INTS9: variants seen among roughly 807,000 people sequenced by gnomAD.
INTS9 encodes the protein protein related to CPSF subunits of 74 kDa.
In INTS9, 55 loss-of-function variants were observed where a neutral mutation model predicts 79.7. The ratio of observed to expected loss-of-function variants is 0.69; its 90% CI spans 0.56 to 0.86. The LOEUF (loss-of-function observed/expected upper bound fraction) is 0.86, where lower values mean the gene tolerates loss of function less well. Among genes scored for constraint, INTS9 ranks in the 40% least tolerant of loss-of-function variants. The probability of loss-of-function intolerance (pLI) is 0.00; values close to 1 mark genes in which losing one functional copy is unlikely to be tolerated. For synonymous variants in INTS9, 319 were observed against 325.2 expected (o/e 0.98, Z 0.20); for missense variants, 721 against 831.5 (o/e 0.87, Z 1.64).
intron 4 of INTS9, among the ~76,000 whole-genome samples, chr8:28,843,729 TTTC>T (rs1158511356): frequency 1.7e-4 from 26 of 152,140 alleles, no homozygotes; most frequent in African/African-American, 6.3e-4. Context: ...CTTCTTCCTT[TTTC>T]TTTTTTTTTT....
At chr8:28,853,413 CAAA>C (rs570960293) in intron 2 of INTS9, among the ~76,000 whole-genome samples, 3 of 87,392 alleles carry the variant, frequency 3.4e-5, no homozygotes, top group Non-Finnish European at 5.1e-5. Context: ...AACTCCATCT[CAAA>C]AAAAAAAAAA....
chr8:28,865,179 G>A (rs1403079660), intron 1 of INTS9, among the ~76,000 whole-genome samples: 2 of 151,906 alleles, frequency 1.3e-5, no homozygotes, highest in Non-Finnish European at 2.9e-5. Context: ...TCTTAAATTT[G>A]GGAACTGGGG....
At chr8:28,807,724 T>C (rs142503219) in intron 8 of INTS9, among the ~76,000 whole-genome samples, 1 of 152,302 alleles carries the variant, frequency 6.6e-6, no homozygotes, top group Non-Finnish European at 1.5e-5. Context: ...AAGGAGACAC[T>C]CCTTAACTTG....
At position 28,801,252 on chromosome 8, in the gene INTS9, C is replaced by T. The variant is rs1168080259; in HGVS notation, c.745-4597G>A. ...CCTATAATCCCAGAACTTTGGGAGGCCAAGGCAGGTGGATCGCTTGAGCCC... is the reference window on the plus strand; with the variant it reads ...CCTATAATCCCAGAACTTTGGGAGGTCAAGGCAGGTGGATCGCTTGAGCCC... On this transcript the variant is annotated intron_variant, in intron 8 of 16. Coordinates refer to ENST00000521022, the MANE Select transcript of INTS9 (RefSeq NM_018250.4). Among the ~76,000 whole-genome samples, 9 of 152,172 alleles carry T rather than the reference C, an allele frequency of 5.9e-5. No homozygotes were observed. The South Asian group carries it at 1.2e-3, about 21-fold the overall frequency.
intron 11 of INTS9, 21 bp downstream of exon 11, chr8:28,787,808 C>G (rs1338279012): frequency 5.1e-6 from 8 of 1,573,586 alleles, no homozygotes; most frequent in Non-Finnish European, 7.0e-6. Context: ...TTCCCATGTC[C>G]CAGTGATTTT....
At chr8:28,879,874 CCGAGACT>C (rs1224681884) in intron 1 of INTS9, among the ~76,000 whole-genome samples, 2 of 152,102 alleles carry the variant, frequency 1.3e-5, no homozygotes, top group Admixed American at 6.5e-5. Flanking sequence ...GGCAAATCTA[CCGAGACT>C]CGTGGTTGCC....
intron 11 of INTS9, among the ~76,000 whole-genome samples, chr8:28,782,948 C>A (rs1803375359): frequency 1.3e-5 from 2 of 152,044 alleles, no homozygotes; most frequent in Admixed American, 1.3e-4. Context: ...GAGATGGAGA[C>A]CATCCTGGCT....
In INTS9 at chr8:28,823,597, C is replaced by G. The variant is rs186942124; in HGVS notation, c.489-9985G>C. Among the ~76,000 whole-genome samples the G allele has an allele frequency of 2.5e-3, 247 of 98,598 alleles. 5 individuals carry two copies. Among genetic ancestry groups the G allele is most frequent in the African/African-American group, 0.01 (243 of 23,394 alleles). 64.7% of individuals were successfully genotyped at this position (98,598 alleles called of 152,430 possible). On this transcript the variant is annotated intron_variant, in intron 6 of 16. Coordinates refer to ENST00000521022, the MANE Select transcript of INTS9 (RefSeq NM_018250.4). Reference sequence around the variant, plus strand: ...ATGTGTGTACCTTTCTTCTGTTAACCTGTTTTATGTCAGTTTAATTCTTAG... The same window carrying G: ...ATGTGTGTACCTTTCTTCTGTTAACGTGTTTTATGTCAGTTTAATTCTTAG...
chr8:28,794,063 A>C, intron 9 of INTS9, 76 bp from the exon 10 acceptor site: 1 of 1,208,678 alleles, frequency 8.3e-7, no homozygotes, highest in African/African-American at 1.5e-5. Context: ...TTGTAAAATA[A>C]GATTTGCACT....
intron 8 of INTS9, among the ~76,000 whole-genome samples, chr8:28,802,633 C>A (rs1046916689): frequency 2.0e-5 from 3 of 152,188 alleles, no homozygotes; most frequent in African/African-American, 7.2e-5. Context: ...AGGATGGATA[C>A]TTTCCAGGTT....
chr8:28,850,082 A>T, intron 3 of INTS9, 131 bp downstream of exon 3: 2 of 640,912 alleles, frequency 3.1e-6, no homozygotes, highest in East Asian at 5.2e-5. Flanking sequence ...ACCCTAGCAT[A>T]GATCTTGGGG....
At chr8:28,879,682 C>T (rs1419158109) in intron 1 of INTS9, among the ~76,000 whole-genome samples, 1 of 151,998 alleles carries the variant, frequency 6.6e-6, no homozygotes, top group Non-Finnish European at 1.5e-5. Context: ...TCACCTGGTG[C>T]AGGAATAAAC....
rs754306495 is a variant in INTS9, at chr8:28,775,882, T to TG, written c.1439dup (p.Ala481SerfsTer23). ...TGAGGTCCATCCTGTGGGACTGGGC[T>TG]GGGGGCGGCTGAGTGTACTGCTCAG... On this transcript the variant is annotated frameshift_variant, in exon 14 of 17. Coordinates refer to ENST00000521022, the MANE Select transcript of INTS9 (RefSeq NM_018250.4). LOFTEE classifies it high-confidence loss of function. 1 of 1,607,780 alleles carries TG rather than the reference T, an allele frequency of 6.2e-7. No homozygotes were observed. Among genetic ancestry groups the TG allele is most frequent in the East Asian group, 2.2e-5 (1 of 44,826 alleles).
intron 3 of INTS9, 183 bp downstream of exon 3, chr8:28,850,030 T>C: frequency 2.1e-6 from 1 of 481,160 alleles, no homozygotes; most frequent in South Asian, 4.8e-5. Flanking sequence ...AATGACATTC[T>C]CTAAAAACAT....
rs117631354 is a variant in INTS9 at position 28,885,964 on chromosome 8, G to A, written c.9+3910C>T. ...CCTGAATATTGCATATTATAAATAC[G>A]GAAAGCCACTGAAATCCTCTGAGTT... On this transcript the variant is annotated intron_variant, in intron 1 of 16. Coordinates refer to ENST00000521022, the MANE Select transcript of INTS9 (RefSeq NM_018250.4). Among the ~76,000 whole-genome samples the A allele has an allele frequency of 4.9e-3, 751 of 152,032 alleles. 7 individuals carry two copies. The highest frequency in any genetic ancestry group is 7.9e-3 in the Non-Finnish European group (534 of 67,970).
Position 28,858,079 on chromosome 8 carries a change from G to A in INTS9, c.137+1357C>T, listed in dbSNP as rs115911671. ...GGTAAGGATGAGAGTGAACAGGAAC[G>A]GGAAAACATGCAGCTGGGATTGTCT... On this transcript the variant is annotated intron_variant, in intron 2 of 16. Transcript: ENST00000521022. Among the ~76,000 whole-genome samples, 443 of 152,244 alleles carry A rather than the reference G, an allele frequency of 2.9e-3. 3 individuals are homozygous for A. The highest frequency in any genetic ancestry group is 0.01 in the African/African-American group (429 of 41,540).
chr8:28,797,406 CTCAG>C (rs1440838579), intron 8 of INTS9, among the ~76,000 whole-genome samples: 1 of 152,142 alleles, frequency 6.6e-6, no homozygotes, highest in Non-Finnish European at 1.5e-5. Flanking sequence ...GCCTCATGAC[CTCAG>C]TCACAGCTCT....
rs150208554 is a variant in INTS9 at position 28,857,935 on chromosome 8, A to G, written c.137+1501T>C. On this transcript the variant is annotated intron_variant, in intron 2 of 16. Coordinates refer to ENST00000521022, the MANE Select transcript of INTS9 (RefSeq NM_018250.4). ...AAGGAGACATCTTTTGTAAGAAACC[A>G]TATGGATAGCTAACCATTCTCCTAG... is the stretch of plus-strand genomic sequence containing the variant. 3.8e-3 allele frequency among the ~76,000 whole-genome samples: 584 copies of G among 152,350 alleles called. 3 individuals are homozygous for G. The highest frequency in any genetic ancestry group is 0.013 in the African/African-American group (554 of 41,578).
At chr8:28,786,831 C>T (rs990989926) in intron 11 of INTS9, among the ~76,000 whole-genome samples, 24 of 152,188 alleles carry the variant, frequency 1.6e-4, no homozygotes, top group African/African-American at 5.5e-4. Flanking sequence ...CATTCTCCTG[C>T]TTCAGCCTCC....
Sources: allele counts gnomAD v4.1 joint callset (sites outside exome capture counted in the v4.1 genomes callset), GRCh38; gene constraint gnomAD v4.1.1; transcripts MANE v1.5; gene names NCBI Gene and HGNC (gene_info 2026-07-23, HGNC 2026-07-21).